The following ATP8A2 variants were observed in gnomAD, a reference collection of about 807,000 sequenced individuals.
ATP8A2 encodes ATPase phospholipid transporting 8A2.
ATP8A2 carries 100 observed loss-of-function variants against 165.6 expected under a neutral mutation model. The ratio of observed to expected loss-of-function variants is 0.60; its 90% CI spans 0.51 to 0.71. ATP8A2 has a LOEUF of 0.71. ATP8A2 is among the 30% of genes least tolerant of loss of function. ATP8A2 has a pLI of 0.00. For missense variants in ATP8A2, 1,227 were observed against 1,479.5 expected, an observed-to-expected ratio of 0.83 and a Z score of 2.80; for synonymous variants, 543 against 548.8, an observed-to-expected ratio of 0.99 and a Z score of 0.15.
At chr13:25,784,676 A>G (rs1360542054) in intron 27 of ATP8A2, among the ~76,000 whole-genome samples, 1 of 152,168 alleles carries the variant, frequency 6.6e-6, no homozygotes, top group Non-Finnish European at 1.5e-5. Context: ...ATTTCCTTTT[A>G]GGAAATGCTT....
chr13:25,944,144 A>G (rs1955146121), intron 33 of ATP8A2, among the ~76,000 whole-genome samples: 1 of 152,264 alleles, frequency 6.6e-6, no homozygotes, highest in African/African-American at 2.4e-5. Context: ...TTTAAATGCT[A>G]GCAAATCATG....
At chr13:25,683,297 G>A (rs1228266489) in intron 24 of ATP8A2, among the ~76,000 whole-genome samples, 1 of 152,210 alleles carries the variant, frequency 6.6e-6, no homozygotes, top group Non-Finnish European at 1.5e-5. Context: ...TTTGTATGCA[G>A]TTCCTACATC....
At chr13:25,929,387 C>T (rs1344605147) in intron 33 of ATP8A2, among the ~76,000 whole-genome samples, 1 of 152,206 alleles carries the variant, frequency 6.6e-6, no homozygotes. Flanking sequence ...TGCTAAAGCA[C>T]TGAAAGTCCT....
intron 27 of ATP8A2, among the ~76,000 whole-genome samples, chr13:25,825,055 G>C (rs1294105387): frequency 6.7e-6 from 1 of 149,212 alleles, no homozygotes; most frequent in Admixed American, 6.7e-5. Context: ...CTCTTGATTT[G>C]GTCTAATCTG....
chr13:25,725,241 C>G (rs2043467420), intron 25 of ATP8A2, among the ~76,000 whole-genome samples: 1 of 152,236 alleles, frequency 6.6e-6, no homozygotes, highest in Admixed American at 6.5e-5. Flanking sequence ...CCTTTTACTT[C>G]CTGTCCTCTG....
At chr13:25,735,206 G>A (rs928295686) in intron 25 of ATP8A2, among the ~76,000 whole-genome samples, 5 of 152,312 alleles carry the variant, frequency 3.3e-5, no homozygotes, top group African/African-American at 7.2e-5. Context: ...AGATGTAGCT[G>A]AAGAGTTAGA....
At chr13:25,571,436 A>G (rs2039465244) in intron 17 of ATP8A2, among the ~76,000 whole-genome samples, 174 bp from the exon 18 acceptor site, 1 of 152,232 alleles carries the variant, frequency 6.6e-6, no homozygotes, top group African/African-American at 2.4e-5. Context: ...TGCTCATTTC[A>G]GAACCCTGGT....
chr13:25,545,252 C>G (rs2038611196), intron 10 of ATP8A2, among the ~76,000 whole-genome samples: 1 of 152,070 alleles, frequency 6.6e-6, no homozygotes, highest in African/African-American at 2.4e-5. Context: ...TGAGAGGCAG[C>G]TCTTGGGTGG....
chr13:25,598,971 A>G (rs939760371), intron 24 of ATP8A2, among the ~76,000 whole-genome samples: 5 of 151,966 alleles, frequency 3.3e-5, no homozygotes, highest in East Asian at 3.9e-4. Flanking sequence ...AGTGTTCCCT[A>G]TGGTTTTTCC....
chr13:25,978,278 A>G (rs1956102414), intron 35 of ATP8A2, among the ~76,000 whole-genome samples: 1 of 152,214 alleles, frequency 6.6e-6, no homozygotes, highest in African/African-American at 2.4e-5. Flanking sequence ...TTAGTTCTTC[A>G]GGAGGTTCTG....
intron 23 of ATP8A2, among the ~76,000 whole-genome samples, chr13:25,584,429 G>A (rs753637740): frequency 1.3e-5 from 2 of 152,102 alleles, no homozygotes; most frequent in East Asian, 1.9e-4. Context: ...CATGCATCCT[G>A]TGTGGATTTT....
At chr13:25,921,309 T>C (rs1954446442) in intron 33 of ATP8A2, among the ~76,000 whole-genome samples, 1 of 152,000 alleles carries the variant, frequency 6.6e-6, no homozygotes, top group Non-Finnish European at 1.5e-5. Flanking sequence ...TCTGAAAAAT[T>C]ATCAGACATC....
At chr13:25,749,847 T>TAGA in intron 25 of ATP8A2, among the ~76,000 whole-genome samples, 2 of 152,284 alleles carry the variant, frequency 1.3e-5, no homozygotes, top group South Asian at 4.1e-4. Context: ...TTCTAATTGT[T>TAGA]GACATCTAAG....
intron 33 of ATP8A2, among the ~76,000 whole-genome samples, chr13:25,942,117 T>TATA (rs1447426041): frequency 4.6e-5 from 7 of 152,234 alleles, no homozygotes; most frequent in Non-Finnish European, 1.0e-4. Flanking sequence ...TTTTTGAAGT[T>TATA]TATCATAGTG....
chr13:25,881,618 A>G (rs1952983066), intron 33 of ATP8A2, among the ~76,000 whole-genome samples: 1 of 151,600 alleles, frequency 6.6e-6, no homozygotes, highest in African/African-American at 2.4e-5. Context: ...AGAGAAAGAG[A>G]GAGAGAGAAT....
At chr13:25,454,858 G>T (rs896691629) in intron 1 of ATP8A2, among the ~76,000 whole-genome samples, 1 of 152,162 alleles carries the variant, frequency 6.6e-6, no homozygotes, top group African/African-American at 2.4e-5. Flanking sequence ...GGAGGTGGAG[G>T]TTGCAGTGAG....
rs528879306 is a variant in ATP8A2 at position 25,598,787 on chromosome 13, AT to A, written c.2211+9096del. On this transcript the variant is annotated intron_variant, in intron 24 of 36. Transcript: ENST00000381655. ...TTTCTGTTATTTTGCATGTCTAGTAATTTTTTTTATTGTATGATGGTTATTT... is the reference window on the plus strand; with the variant it reads ...TTTCTGTTATTTTGCATGTCTAGTAATTTTTTTATTGTATGATGGTTATTT... 5.9e-5 allele frequency among the ~76,000 whole-genome samples: 9 copies of A among 151,706 alleles called. No individual in the cohort carries two copies. The South Asian group carries it at 1.7e-3, about 28-fold the overall frequency.
chr13:25,927,196 C>T (rs774454501), intron 33 of ATP8A2: 11 of 456,602 alleles, frequency 2.4e-5, no homozygotes, highest in East Asian at 1.4e-4. Flanking sequence ...CCCTGTGCCC[C>T]GGAGCCCCAC....
At position 25,514,979 on chromosome 13, in the gene ATP8A2, C is replaced by T. The variant is rs574038449; in HGVS notation, c.222-15020C>T. 6.6e-5 allele frequency among the ~76,000 whole-genome samples: 10 copies of T among 152,254 alleles called. No homozygotes were observed. In the South Asian group the frequency reaches 2.1e-3, roughly 32 times the overall value. On this transcript the variant is annotated intron_variant, in intron 2 of 36. Transcript: ENST00000381655. ...AGTTGAACATTATTCTGAGTGTCTG[C>T]GAGGGGATTTCTGGATGAGGTTAGC...
Sources: allele counts gnomAD v4.1 joint callset (sites outside exome capture counted in the v4.1 genomes callset), GRCh38; gene constraint gnomAD v4.1.1; transcripts MANE v1.5; gene names NCBI Gene and HGNC (gene_info 2026-07-23, HGNC 2026-07-21).